Variants in TSHZ2 observed in about 807,000 individuals in gnomAD.
TSHZ2 encodes the protein teashirt zinc finger homeobox 2.
In TSHZ2, 21 loss-of-function variants were observed where a neutral mutation model predicts 74.4. That is an observed-to-expected ratio of 0.28 (90% confidence interval 0.20 to 0.41). TSHZ2 has a LOEUF of 0.41. Among genes scored for constraint, TSHZ2 ranks in the 10% least tolerant of loss-of-function variants. The pLI is 1.00. For missense variants in TSHZ2, 1,244 were observed against 1,293.5 expected, an observed-to-expected ratio of 0.96 and a Z score of 0.59; for synonymous variants, 540 against 515.3, an observed-to-expected ratio of 1.05 and a Z score of -0.65.
intron 1 of TSHZ2, among the ~76,000 whole-genome samples, chr20:53,008,514 T>C (rs1445590668): frequency 1.3e-5 from 2 of 151,858 alleles, no homozygotes; most frequent in South Asian, 2.1e-4. Context: ...GGGGATTGGA[T>C]ATTTTCAGCA....
intron 2 of TSHZ2, among the ~76,000 whole-genome samples, chr20:53,474,885 C>T (rs956020912): frequency 1.4e-5 from 2 of 143,870 alleles, no homozygotes; most frequent in African/African-American, 5.3e-5. Context: ...AGACTTTAAA[C>T]CAACAAAGAT....
At chr20:53,093,291 G>T (rs910484749) in intron 1 of TSHZ2, among the ~76,000 whole-genome samples, 7 of 152,234 alleles carry the variant, frequency 4.6e-5, no homozygotes, top group African/African-American at 1.7e-4. Flanking sequence ...CTGTGTTGCC[G>T]TGGCTGCTGG....
intron 1 of TSHZ2, among the ~76,000 whole-genome samples, chr20:52,981,845 C>T (rs148425236): frequency 3.1e-4 from 47 of 152,306 alleles, no homozygotes; most frequent in Non-Finnish European, 5.9e-4. Context: ...TATATGTTTA[C>T]ATTTATTCGT....
intron 1 of TSHZ2, among the ~76,000 whole-genome samples, chr20:53,140,457 A>G (rs6022297): frequency 0.029 from 4,336 of 147,308 alleles, 189 homozygotes; most frequent in African/African-American, 0.1. Flanking sequence ...GGAGAATGGC[A>G]TGAACCCGGG....
chr20:53,110,084 T>C lies in TSHZ2; in HGVS notation c.40+136751T>C, dbSNP rs115363101. On this transcript the variant is annotated intron_variant, in intron 1 of 2. Transcript: ENST00000371497. The stretch of plus-strand genomic sequence containing the variant: ...TTTGAAAAATCAGGGCGTTTCAGCA[T>C]GCCAGGCTTGTGTTTCTGTGTGATC... Among the ~76,000 whole-genome samples, 810 of 152,350 alleles carry C rather than the reference T, an allele frequency of 5.3e-3. 8 individuals are homozygous for C. Among genetic ancestry groups the C allele is most frequent in the African/African-American group, 0.019 (770 of 41,578 alleles).
intron 2 of TSHZ2, among the ~76,000 whole-genome samples, chr20:53,270,455 G>A (rs1990811685): frequency 6.6e-6 from 1 of 152,158 alleles, no homozygotes; most frequent in Non-Finnish European, 1.5e-5. Context: ...CCAGCCCTCA[G>A]AGATGTGAAG....
intron 2 of TSHZ2, among the ~76,000 whole-genome samples, chr20:53,478,283 C>T (rs1986041623): frequency 6.6e-6 from 1 of 150,916 alleles, no homozygotes; most frequent in African/African-American, 2.4e-5. Flanking sequence ...CAATGATAGA[C>T]TGGATTAAGA....
intron 1 of TSHZ2, among the ~76,000 whole-genome samples, chr20:52,997,011 G>A (rs554545205): frequency 1.5e-4 from 23 of 151,602 alleles, no homozygotes; most frequent in African/African-American, 4.8e-4. Flanking sequence ...GCTCAAGCAC[G>A]AGGGGGTGGC....
intron 1 of TSHZ2, among the ~76,000 whole-genome samples, chr20:53,019,488 A>G (rs960565022): frequency 1.3e-5 from 2 of 152,104 alleles, no homozygotes; most frequent in African/African-American, 4.8e-5. Context: ...ACAGTTTCTT[A>G]CTGAGGAAAG....
rs59907513 is a variant in TSHZ2, at chr20:53,321,683, C to CAAAA, written c.*8+65126_*8+65129dup. Among the ~76,000 whole-genome samples, 47 of 58,304 alleles carry CAAAA rather than the reference C, an allele frequency of 8.1e-4. 1 individual carries two copies. The highest frequency in any genetic ancestry group is 3.7e-3 in the African/African-American group (44 of 12,002). The allele number at this position is 58,304 out of a possible 152,430, so 38.2% of individuals were successfully genotyped here. A position where few individuals can be genotyped will look rare whatever the true frequency, so the allele number is the denominator to read the frequency against. On this transcript the variant is annotated intron_variant, in intron 2 of 2. Coordinates refer to ENST00000371497, the MANE Select transcript of TSHZ2 (RefSeq NM_173485.6). Reference sequence around the variant, plus strand: ...TGGGCAACAGGGCGAGACTCCATCTCAAAAAAAAAAAAAAAAAGAAAGACA... The same window carrying CAAAA: ...TGGGCAACAGGGCGAGACTCCATCTCAAAAAAAAAAAAAAAAAAAAAGAAAGACA...
intron 2 of TSHZ2, among the ~76,000 whole-genome samples, chr20:53,446,220 A>G (rs6063945): frequency 0.016 from 2,378 of 152,168 alleles, 56 homozygotes; most frequent in South Asian, 0.043. Flanking sequence ...CTGGAGGATG[A>G]AAGAGCTATC....
At chr20:53,012,967 C>T (rs1188866194) in intron 1 of TSHZ2, among the ~76,000 whole-genome samples, 5 of 152,130 alleles carry the variant, frequency 3.3e-5, no homozygotes, top group Admixed American at 3.3e-4. Context: ...TAAACTAAAA[C>T]AAGACAAGCT....
intron 1 of TSHZ2, among the ~76,000 whole-genome samples, chr20:53,139,125 G>A (rs2123408586): frequency 6.6e-6 from 1 of 152,226 alleles, no homozygotes; most frequent in East Asian, 1.9e-4. Context: ...TTTACCCTTA[G>A]CAAATGGTGA....
rs1177690090 is a variant in TSHZ2 at position 53,272,021 on chromosome 20, T to G, written c.*8+15450T>G. Reference sequence around the variant, plus strand: ...AAGTGAGTGGAGAAGTGGATTTTTTTTTTTCTTTTGTGACGGAGTCTTGTT... The same window carrying G: ...AAGTGAGTGGAGAAGTGGATTTTTTGTTTTCTTTTGTGACGGAGTCTTGTT... On this transcript the variant is annotated intron_variant, in intron 2 of 2. Transcript: ENST00000371497. 2.6e-5 allele frequency among the ~76,000 whole-genome samples: 4 copies of G among 152,094 alleles called. No individual in the cohort carries two copies. The East Asian group carries it at 7.7e-4, about 29-fold the overall frequency.
chr20:53,334,516 T>TCCCA (rs1418694163), intron 2 of TSHZ2, among the ~76,000 whole-genome samples: 1 of 151,962 alleles, frequency 6.6e-6, no homozygotes, highest in African/African-American at 2.4e-5. Context: ...GGCACTGCGG[T>TCCCA]CAAAGAGAAA....
At chr20:53,470,816 A>G (rs1985776693) in intron 2 of TSHZ2, among the ~76,000 whole-genome samples, 1 of 144,268 alleles carries the variant, frequency 6.9e-6, no homozygotes, top group Non-Finnish European at 1.5e-5. Flanking sequence ...CCATCTCAAA[A>G]AAAATAAATA....
chr20:53,459,153 G>A (rs1382618079), intron 2 of TSHZ2, among the ~76,000 whole-genome samples: 1 of 152,122 alleles, frequency 6.6e-6, no homozygotes, highest in Non-Finnish European at 1.5e-5. Flanking sequence ...TGTTGACAGT[G>A]GGGTGTTAAA....
At chr20:53,373,343 T>G (rs1435958609) in intron 2 of TSHZ2, among the ~76,000 whole-genome samples, 2 of 152,224 alleles carry the variant, frequency 1.3e-5, no homozygotes, top group Non-Finnish European at 2.9e-5. Context: ...TTTAGTGGGC[T>G]ATCTGATGCT....
chr20:53,320,787 G>C (rs577425509), intron 2 of TSHZ2, among the ~76,000 whole-genome samples: 1 of 152,218 alleles, frequency 6.6e-6, no homozygotes, highest in South Asian at 2.1e-4. Flanking sequence ...CTTTGGGAGA[G>C]ACTGAAGTAG....
Sources: allele counts gnomAD v4.1 joint callset (sites outside exome capture counted in the v4.1 genomes callset), GRCh38; gene constraint gnomAD v4.1.1; transcripts MANE v1.5; gene names NCBI Gene and HGNC (gene_info 2026-07-23, HGNC 2026-07-21).